TRABD2B: variants seen among roughly 807,000 people sequenced by gnomAD.
TRABD2B encodes TraB domain containing 2B.
In TRABD2B, 14 loss-of-function variants were observed where a neutral mutation model predicts 40.1. The observed-to-expected ratio is 0.35, with a 90% CI of 0.23 to 0.55. TRABD2B has a LOEUF of 0.55. Ranked by LOEUF, TRABD2B falls within the 20% of genes least tolerant of loss-of-function variation. The pLI, the probability that TRABD2B is intolerant of heterozygous loss-of-function variation, is 0.90. For synonymous variants in TRABD2B, 263 were observed against 277.0 expected (o/e 0.95, Z 0.50); for missense variants, 541 against 648.6 (o/e 0.83, Z 1.80).
chr1:47,984,027 G>C (rs900988234), intron 2 of TRABD2B, among the ~76,000 whole-genome samples: 1 of 152,242 alleles, frequency 6.6e-6, no homozygotes, highest in Non-Finnish European at 1.5e-5. Flanking sequence ...CATTCTAAAA[G>C]GGGCTGTCGA....
chr1:47,848,885 T>C (rs974395214), intron 2 of TRABD2B, among the ~76,000 whole-genome samples: 3 of 152,258 alleles, frequency 2.0e-5, no homozygotes, highest in Non-Finnish European at 4.4e-5. Flanking sequence ...GGTAGTCACA[T>C]GTCCTTAAGG....
chr1:47,823,664 T>G (rs542303647), intron 2 of TRABD2B, among the ~76,000 whole-genome samples: 15 of 152,056 alleles, frequency 9.9e-5, no homozygotes, highest in African/African-American at 3.6e-4. Flanking sequence ...AATGGGGTGG[T>G]GAGAGAGAGG....
At chr1:47,858,964 C>T (rs995386954) in intron 2 of TRABD2B, among the ~76,000 whole-genome samples, 40 of 152,138 alleles carry the variant, frequency 2.6e-4, no homozygotes, top group African/African-American at 8.9e-4. Flanking sequence ...CTCCTTAAAT[C>T]AAATCCAGCC....
chr1:47,828,330 CCCA>C (rs1392530039), intron 2 of TRABD2B, among the ~76,000 whole-genome samples: 4 of 152,138 alleles, frequency 2.6e-5, no homozygotes, highest in Non-Finnish European at 4.4e-5. Context: ...CTGAAAATCC[CCCA>C]CCAAGTCCCT....
chr1:47,822,938 T>C (rs1187035428), intron 2 of TRABD2B, among the ~76,000 whole-genome samples: 1 of 152,238 alleles, frequency 6.6e-6, no homozygotes, highest in Non-Finnish European at 1.5e-5. Flanking sequence ...CCTCAGCTCC[T>C]GGATTATCTG....
intron 3 of TRABD2B, among the ~76,000 whole-genome samples, chr1:47,795,980 A>G (rs1167404154): frequency 6.6e-6 from 1 of 152,262 alleles, no homozygotes; most frequent in African/African-American, 2.4e-5. Flanking sequence ...TCCTGGGTTC[A>G]GGGACAGAGC....
intron 3 of TRABD2B, among the ~76,000 whole-genome samples, chr1:47,800,082 G>A (rs910984764): frequency 2.0e-5 from 3 of 151,826 alleles, no homozygotes; most frequent in Admixed American, 6.6e-5. Flanking sequence ...CTGGGCCAGG[G>A]GCTGCTCCAG....
chr1:47,993,551 A>C (rs1021833680), intron 2 of TRABD2B, among the ~76,000 whole-genome samples: 1 of 152,172 alleles, frequency 6.6e-6, no homozygotes, highest in African/African-American at 2.4e-5. Context: ...AATGGCAAGC[A>C]GCACTCTACT....
At chr1:47,792,827 C>T (rs1217035297) in intron 4 of TRABD2B, among the ~76,000 whole-genome samples, 1 of 152,038 alleles carries the variant, frequency 6.6e-6, no homozygotes, top group Non-Finnish European at 1.5e-5. Context: ...TGACTGCACT[C>T]TCTGGGGGCT....
At chr1:47,907,924 G>A (rs1392806982) in intron 2 of TRABD2B, among the ~76,000 whole-genome samples, 1 of 152,210 alleles carries the variant, frequency 6.6e-6, no homozygotes, top group East Asian at 1.9e-4. Flanking sequence ...GCTGTGGGTG[G>A]AACAAAGAGA....
chr1:47,861,461 C>T (rs975901077), intron 2 of TRABD2B, among the ~76,000 whole-genome samples: 2 of 152,116 alleles, frequency 1.3e-5, no homozygotes, highest in South Asian at 4.1e-4. Flanking sequence ...GTACTTCCTA[C>T]AGATTCCATG....
intron 2 of TRABD2B, among the ~76,000 whole-genome samples, chr1:47,978,556 T>C (rs1407792174): frequency 6.6e-6 from 1 of 152,138 alleles, no homozygotes; most frequent in Non-Finnish European, 1.5e-5. Flanking sequence ...TTCCCAAAGA[T>C]GAAAATGCAG....
At position 47,915,836 on chromosome 1, in the gene TRABD2B, A is replaced by T. The variant is rs564932504; in HGVS notation, c.666+78198T>A. Reference sequence around the variant, plus strand: ...ACCCTGGGAGCTGAACATGCAGGGTAAGCCCTGTCGTGCCCCCACGCTCCC... The same window carrying T: ...ACCCTGGGAGCTGAACATGCAGGGTTAGCCCTGTCGTGCCCCCACGCTCCC... On this transcript the variant is annotated intron_variant, in intron 2 of 6. Coordinates refer to ENST00000606738, the MANE Select transcript of TRABD2B (RefSeq NM_001194986.2). Among the ~76,000 whole-genome samples, 8 of 152,240 alleles carry T rather than the reference A, an allele frequency of 5.3e-5. No individual in the cohort carries two copies. In the East Asian group the frequency reaches 1.5e-3, roughly 29 times the overall value.
At position 47,996,857 on chromosome 1, in the gene TRABD2B, C is replaced by CA; in HGVS notation, c.-69dup. On this transcript the variant is annotated 5_prime_UTR_variant, in exon 1 of 7. Coordinates refer to ENST00000606738, the MANE Select transcript of TRABD2B (RefSeq NM_001194986.2). This position sits in a 1 kb window ranked among gnomAD's most constrained non-coding sequence, Gnocchi z 4.6. The stretch of plus-strand genomic sequence containing the variant: ...GCCCCTCAGCGGGGCGGGGAGCCCC[C>CA]AGTTGGGCACGGAGTTTCCTCTGGA... 8.7e-7 allele frequency: 1 copy of CA among 1,156,046 alleles called. No homozygotes were observed. Among genetic ancestry groups the CA allele is most frequent in the African/African-American group, 1.6e-5 (1 of 61,662 alleles). The allele number at this position is 1,156,046 out of a possible 1,614,324, so 71.6% of individuals were successfully genotyped here.
intron 2 of TRABD2B, among the ~76,000 whole-genome samples, chr1:47,978,810 G>C (rs191970502): frequency 6.6e-6 from 1 of 152,304 alleles, no homozygotes; most frequent in African/African-American, 2.4e-5. Context: ...GAATTTATTG[G>C]TTTTAGCAGC....
At chr1:47,926,677 G>A (rs1476805528) in intron 2 of TRABD2B, among the ~76,000 whole-genome samples, 3 of 152,146 alleles carry the variant, frequency 2.0e-5, no homozygotes, top group Non-Finnish European at 2.9e-5. Context: ...GGGTACAGAG[G>A]GGTTGGAGAG....
chr1:47,795,850 T>C (rs920514115), intron 3 of TRABD2B, among the ~76,000 whole-genome samples: 4 of 152,184 alleles, frequency 2.6e-5, no homozygotes, highest in Non-Finnish European at 5.9e-5. Flanking sequence ...TTCCCCCAAG[T>C]TGGCTTGCTC....
chr1:47,907,615 G>T (rs1397470380), intron 2 of TRABD2B, among the ~76,000 whole-genome samples: 1 of 152,176 alleles, frequency 6.6e-6, no homozygotes, highest in Non-Finnish European at 1.5e-5. Flanking sequence ...ATTATGCCAT[G>T]TCAGGAGGGA....
intron 2 of TRABD2B, among the ~76,000 whole-genome samples, chr1:47,850,969 C>G (rs896043865): frequency 6.6e-6 from 1 of 152,166 alleles, no homozygotes; most frequent in Admixed American, 6.5e-5. Context: ...GTTCATGCTC[C>G]TCTGAGAATC....
Sources: gnomAD v4.1 joint callset for allele counts (sites outside exome capture counted in the v4.1 genomes callset) on GRCh38, gnomAD v4.1.1 for gene constraint, Gnocchi (gnomAD v3.1) non-coding constraint, MANE v1.5 for transcripts, NCBI Gene and HGNC (gene_info 2026-07-23, HGNC 2026-07-21) for gene names.